The following CDS1 variants were observed in gnomAD, a reference collection of about 807,000 sequenced individuals.
CDS1 encodes phosphatidate cytidylyltransferase 1.
In CDS1, 41 loss-of-function variants were observed where a neutral mutation model predicts 62.1. That is an observed-to-expected ratio of 0.66 (90% CI 0.51 to 0.86). The LOEUF is 0.86. Ranked by LOEUF, CDS1 falls within the 40% of genes least tolerant of loss-of-function variation. The probability of loss-of-function intolerance (pLI) is 0.00; values close to 1 mark genes in which losing one functional copy is unlikely to be tolerated. For missense variants in CDS1, 470 were observed against 550.1 expected, an observed-to-expected ratio of 0.85 and a Z score of 1.46; for synonymous variants, 185 against 192.6, an observed-to-expected ratio of 0.96 and a Z score of 0.32.
chr4:84,586,171 C>T (rs1251724647), intron 1 of CDS1, among the ~76,000 whole-genome samples: 1 of 152,082 alleles, frequency 6.6e-6, no homozygotes, highest in Non-Finnish European at 1.5e-5. Context: ...GAGCAGTGGT[C>T]CCCAAATTTT....
intron 6 of CDS1, among the ~76,000 whole-genome samples, chr4:84,633,069 A>C (rs1158263063): frequency 6.6e-6 from 1 of 152,206 alleles, no homozygotes; most frequent in African/African-American, 2.4e-5. Flanking sequence ...GGCTGCAGTG[A>C]GCTGTGATCA....
intron 11 of CDS1, 95 bp downstream of exon 11, chr4:84,643,238 C>T (rs915341339): frequency 8.5e-7 from 1 of 1,173,220 alleles, no homozygotes; most frequent in Non-Finnish European, 1.2e-6. Context: ...ACATTAAGCC[C>T]CTAGGCCACA....
chr4:84,620,610 T>C (rs1464175094), intron 5 of CDS1, among the ~76,000 whole-genome samples: 1 of 152,176 alleles, frequency 6.6e-6, no homozygotes, highest in Non-Finnish European at 1.5e-5. Flanking sequence ...AATTAAAAAT[T>C]AGATTCTTAA....
intron 12 of CDS1, among the ~76,000 whole-genome samples, 199 bp from the exon 13 acceptor site, chr4:84,648,358 T>C (rs936595027): frequency 3.3e-5 from 5 of 152,206 alleles, no homozygotes; most frequent in Admixed American, 6.5e-5. Flanking sequence ...TTTGTGTTTG[T>C]GCATTCTTTC....
rs1724029472 is a variant in CDS1, at chr4:84,631,823, C to T, written c.585C>T (p.Phe195=). 1 of 1,612,114 alleles carries T rather than the reference C, an allele frequency of 6.2e-7. No homozygotes were observed. Among genetic ancestry groups the T allele is most frequent in the African/African-American group, 1.3e-5 (1 of 74,870 alleles). Residue 195 remains phenylalanine (F), a synonymous_variant, in exon 6 of 13, where the codon TTC becomes TTT. Transcript: ENST00000295887. ...FISFALYLAG[F]CMFVLSLVKK... ...ATGTTTTTTGTTCTTGAACAGGTTTCTGCATGTTTGTACTGAGTTTGGTGA... is the reference window on the plus strand; with the variant it reads ...ATGTTTTTTGTTCTTGAACAGGTTTTTGCATGTTTGTACTGAGTTTGGTGA...
In CDS1 at chr4:84,648,710, G is replaced by A; in HGVS notation, c.*24G>A. The A allele has an allele frequency of 6.3e-7, 1 of 1,592,272 alleles. No individual in the cohort carries two copies. Among genetic ancestry groups the A allele is most frequent in the Non-Finnish European group, 8.5e-7 (1 of 1,171,036 alleles). On this transcript the variant is annotated 3_prime_UTR_variant, in exon 13 of 13. Transcript: ENST00000295887. ...AACTGGATCCAGAGAGGGAAGGACT[G>A]ACAAGAAGGAATTATTCAGAAAAAC... is the stretch of plus-strand genomic sequence containing the variant.
At chr4:84,619,974 G>A (rs910849211) in intron 5 of CDS1, among the ~76,000 whole-genome samples, 25 of 148,382 alleles carry the variant, frequency 1.7e-4, no homozygotes, top group African/African-American at 4.7e-4. Context: ...AGAGGTTGCC[G>A]TGAGCTGAGA....
chr4:84,628,932 C>T (rs1194396908), intron 5 of CDS1, among the ~76,000 whole-genome samples: 3 of 152,014 alleles, frequency 2.0e-5, no homozygotes, highest in Admixed American at 6.6e-5. Flanking sequence ...ACGAGATGTA[C>T]GTATCTTTGT....
chr4:84,633,813 AT>A, intron 6 of CDS1, 43 bp from the exon 7 acceptor site: 1 of 1,331,564 alleles, frequency 7.5e-7, no homozygotes. Flanking sequence ...AGCTGCACTG[AT>A]CAGTTGTGTT....
intron 12 of CDS1, 72 bp from the exon 13 acceptor site, chr4:84,648,485 A>C: frequency 7.2e-7 from 1 of 1,393,610 alleles, no homozygotes; most frequent in Non-Finnish European, 9.9e-7. Flanking sequence ...GTTTGTTTTA[A>C]ATTGGAGGTA....
In CDS1 at chr4:84,648,717, AG is replaced by A. The variant is rs767734563; in HGVS notation, c.*33del. 5.7e-6 allele frequency: 9 copies of A among 1,589,890 alleles called. No individual in the cohort carries two copies. The highest frequency in any genetic ancestry group is 6.8e-6 in the Non-Finnish European group (8 of 1,169,318). ...TCCAGAGAGGGAAGGACTGACAAGA[AG>A]GAATTATTCAGAAAAACACTGACAG... On this transcript the variant is annotated 3_prime_UTR_variant, in exon 13 of 13. Coordinates refer to ENST00000295887, the MANE Select transcript of CDS1 (RefSeq NM_001263.4).
chr4:84,630,030 T>C (rs1177926725), intron 5 of CDS1, among the ~76,000 whole-genome samples: 1 of 152,180 alleles, frequency 6.6e-6, no homozygotes, highest in African/African-American at 2.4e-5. Flanking sequence ...GTGTCTCTGC[T>C]TTGCCCCTTA....
At chr4:84,630,071 G>T (rs571507756) in intron 5 of CDS1, among the ~76,000 whole-genome samples, 6 of 152,144 alleles carry the variant, frequency 3.9e-5, no homozygotes, top group African/African-American at 1.4e-4. Context: ...TCCAGTCCAC[G>T]TTTGCCTTTA....
At chr4:84,599,419 T>C (rs1266625686) in intron 1 of CDS1, among the ~76,000 whole-genome samples, 6 of 19,036 alleles carry the variant, frequency 3.2e-4, no homozygotes, top group African/African-American at 8.7e-4. Context: ...TATATATATA[T>C]ATATATATAT....
chr4:84,640,923 A>G lies in CDS1; in HGVS notation c.965A>G (p.Glu322Gly). 6.2e-7 allele frequency: 1 copy of G among 1,611,822 alleles called. No homozygotes were observed. Among genetic ancestry groups the G allele is most frequent in the Admixed American group, 1.7e-5 (1 of 59,342 alleles). The change falls in exon 10 of 13, where the codon GAG becomes GGG. Residue 322 changes from glutamate to glycine, a missense_variant. Coordinates refer to ENST00000295887, the MANE Select transcript of CDS1 (RefSeq NM_001263.4). ...SDVNSFVTEC[E>G]PSELFQLQTY... is the part of the protein sequence containing the mutation. ...GTAAACTCCTTCGTGACAGAATGTG[A>G]GCCCTCAGAACTTTTCCAGCTTCAG...
At position 84,635,252 on chromosome 4, in the gene CDS1, T is replaced by C. The variant is rs1724144806; in HGVS notation, c.723-12T>C. 1.4e-6 allele frequency: 2 copies of C among 1,429,310 alleles called. No individual in the cohort carries two copies. Among genetic ancestry groups the C allele is most frequent in the East Asian group, 2.3e-5 (1 of 44,024 alleles). 88.5% of individuals were successfully genotyped at this position (1,429,310 alleles called of 1,614,324 possible). A position where few individuals can be genotyped will look rare whatever the true frequency, so the allele number is the denominator to read the frequency against. On this transcript the variant is annotated splice_polypyrimidine_tract_variant and intron_variant, in intron 7 of 12. Coordinates refer to ENST00000295887, the MANE Select transcript of CDS1 (RefSeq NM_001263.4). ...TTTTTCTGCTGACTTTTTTTTTTTTTTTTAAAAACAGGTTCCTTGTTCCAA... is the reference window on the plus strand; with the variant it reads ...TTTTTCTGCTGACTTTTTTTTTTTTCTTTAAAAACAGGTTCCTTGTTCCAA...
intron 1 of CDS1, among the ~76,000 whole-genome samples, chr4:84,597,899 G>C (rs1418267999): frequency 6.6e-6 from 1 of 152,016 alleles, no homozygotes; most frequent in Non-Finnish European, 1.5e-5. Context: ...GGCCGAGGTG[G>C]GCAGATCACG....
chr4:84,643,314 CTTTT>C (rs1724451539), intron 11 of CDS1, among the ~76,000 whole-genome samples, 171 bp downstream of exon 11: 1 of 152,142 alleles, frequency 6.6e-6, no homozygotes, highest in Non-Finnish European at 1.5e-5. Context: ...TGTATTCTTT[CTTTT>C]TAGGTTTGTC....
At chr4:84,622,072 C>T (rs1401670872) in intron 5 of CDS1, among the ~76,000 whole-genome samples, 1 of 152,166 alleles carries the variant, frequency 6.6e-6, no homozygotes, top group South Asian at 2.1e-4. Flanking sequence ...TTTACCAAAC[C>T]AGTAAGCTTG....
Sources: allele counts gnomAD v4.1 joint callset (sites outside exome capture counted in the v4.1 genomes callset), GRCh38; gene constraint gnomAD v4.1.1; transcripts MANE v1.5; gene names NCBI Gene and HGNC (gene_info 2026-07-23, HGNC 2026-07-21).